The following ACTL8 variants were observed in gnomAD, a reference collection of about 807,000 sequenced individuals.
The protein encoded by ACTL8 is actin like 8.
Under a neutral mutation model 9.3 loss-of-function variants are expected in ACTL8, and 3 were observed. The ratio of observed to expected loss-of-function variants is 0.32; its 90% CI spans 0.15 to 0.83. The LOEUF (loss-of-function observed/expected upper bound fraction) is 0.83. Among genes scored for constraint, ACTL8 ranks in the 40% least tolerant of loss-of-function variants. ACTL8 has a pLI of 0.57. For missense variants in ACTL8, 381 were observed against 492.2 expected, an observed-to-expected ratio of 0.77 and a Z score of 2.14; for synonymous variants, 224 against 205.9, an observed-to-expected ratio of 1.09 and a Z score of -0.75.
intron 1 of ACTL8, among the ~76,000 whole-genome samples, chr1:17,776,899 A>C (rs2066121838): frequency 6.7e-6 from 1 of 150,180 alleles, no homozygotes; most frequent in African/African-American, 2.5e-5. Context: ...TCCTGGGCTC[A>C]AGCAATCCTC....
At chr1:17,791,725 C>T (rs775375483) in intron 1 of ACTL8, among the ~76,000 whole-genome samples, 3 of 152,204 alleles carry the variant, frequency 2.0e-5, no homozygotes, top group Non-Finnish European at 4.4e-5. Context: ...GCCTGTGGAA[C>T]GAGGAGGGTG....
At chr1:17,785,615 T>C (rs1180436503) in intron 1 of ACTL8, among the ~76,000 whole-genome samples, 3 of 152,240 alleles carry the variant, frequency 2.0e-5, no homozygotes, top group African/African-American at 7.2e-5. Context: ...GGGATGCTTG[T>C]AGGGTCCTTT....
At position 17,777,005 on chromosome 1, in the gene ACTL8, T is replaced by A. The variant is rs572634621; in HGVS notation, c.-25+21501T>A. 1.3e-3 allele frequency among the ~76,000 whole-genome samples: 130 copies of A among 101,744 alleles called. 1 individual carries two copies. The highest frequency in any genetic ancestry group is 7.7e-3 in the South Asian group (24 of 3,136). 66.7% of individuals were successfully genotyped at this position (101,744 alleles called of 152,430 possible). On this transcript the variant is annotated intron_variant, in intron 1 of 2. Coordinates refer to ENST00000375406, the MANE Select transcript of ACTL8 (RefSeq NM_030812.3). ...TTTTTTTTTTTTTTTTTTTTTTTTTTAGAGATGGGGGTCTTGCCATGTTGC... is the reference window on the plus strand; with the variant it reads ...TTTTTTTTTTTTTTTTTTTTTTTTTAAGAGATGGGGGTCTTGCCATGTTGC...
chr1:17,777,977 C>A (rs1041491413), intron 1 of ACTL8, among the ~76,000 whole-genome samples: 1 of 152,222 alleles, frequency 6.6e-6, no homozygotes, highest in African/African-American at 2.4e-5. Context: ...GAATTACAGG[C>A]GTGAGCCACC....
chr1:17,791,989 G>T (rs2102688179), intron 1 of ACTL8, among the ~76,000 whole-genome samples: 1 of 151,282 alleles, frequency 6.6e-6, no homozygotes, highest in Non-Finnish European at 1.5e-5. Flanking sequence ...CTTGGCTTGG[G>T]ATCCTGCCCC....
intron 1 of ACTL8, among the ~76,000 whole-genome samples, chr1:17,806,005 A>T (rs922496477): frequency 7.2e-5 from 11 of 152,180 alleles, no homozygotes; most frequent in African/African-American, 2.7e-4. Flanking sequence ...TGGTGTATCC[A>T]TTCCGGTCCT....
intron 2 of ACTL8, 136 bp from the exon 3 acceptor site, chr1:17,825,631 A>G (rs1256716984): frequency 8.6e-7 from 1 of 1,159,462 alleles, no homozygotes; most frequent in Non-Finnish European, 1.2e-6. Context: ...TCACTGCATA[A>G]GCTCCAGGGG....
intron 1 of ACTL8, among the ~76,000 whole-genome samples, chr1:17,786,655 T>C (rs1242273176): frequency 1.3e-5 from 2 of 152,150 alleles, no homozygotes; most frequent in Non-Finnish European, 2.9e-5. Flanking sequence ...ACATGGACCT[T>C]CTTTACGTAC....
In ACTL8 at chr1:17,802,813, T is replaced by C. The variant is rs933780694; in HGVS notation, c.-24-20172T>C. Among the ~76,000 whole-genome samples, 6 of 151,824 alleles carry C rather than the reference T, an allele frequency of 4.0e-5. No homozygotes were observed. In the East Asian group the frequency reaches 9.7e-4, roughly 24 times the overall value. On this transcript the variant is annotated intron_variant, in intron 1 of 2. Transcript: ENST00000375406. ...GCCTGGTCAACATGGCGAAACCCCA[T>C]CTCTACTAAAAATACAGGAAAATTA...
chr1:17,791,145 G>A (rs2066236371), intron 1 of ACTL8, among the ~76,000 whole-genome samples: 1 of 152,138 alleles, frequency 6.6e-6, no homozygotes, highest in South Asian at 2.1e-4. Context: ...AGGAGGCCTG[G>A]GTCTGCTGCC....
chr1:17,768,551 T>C (rs2066062190), intron 1 of ACTL8, among the ~76,000 whole-genome samples: 1 of 152,206 alleles, frequency 6.6e-6, no homozygotes, highest in East Asian at 1.9e-4. Flanking sequence ...ATGGAGGATA[T>C]CATCAAATGG....
intron 1 of ACTL8, among the ~76,000 whole-genome samples, chr1:17,773,341 C>G (rs2066096457): frequency 6.6e-6 from 1 of 152,198 alleles, no homozygotes; most frequent in Non-Finnish European, 1.5e-5. Context: ...GCTCTGTGAG[C>G]TTAGCCAAGC....
intron 1 of ACTL8, among the ~76,000 whole-genome samples, chr1:17,779,667 C>T (rs914582844): frequency 3.3e-5 from 5 of 152,196 alleles, no homozygotes. Context: ...TTGCTTTCAT[C>T]TATGGCTCCA....
intron 2 of ACTL8, among the ~76,000 whole-genome samples, chr1:17,825,377 A>G (rs2053705342): frequency 6.6e-6 from 1 of 150,648 alleles, no homozygotes; most frequent in Non-Finnish European, 1.5e-5. Context: ...GTTTGGAGAC[A>G]GTGGTGAATA....
intron 1 of ACTL8, among the ~76,000 whole-genome samples, chr1:17,800,583 CTTTTTTT>C (rs59143238): frequency 5.8e-5 from 4 of 69,168 alleles, no homozygotes; most frequent in African/African-American, 2.6e-4. Context: ...TGGTGTCAAT[CTTTTTTT>C]TTTTTTTTTT....
Position 17,823,441 on chromosome 1 carries a change from G to T in ACTL8, c.348+85G>T. 2 of 1,345,812 alleles carry T rather than the reference G, an allele frequency of 1.5e-6. No individual in the cohort carries two copies. Among genetic ancestry groups the T allele is most frequent in the Non-Finnish European group, 2.0e-6 (2 of 995,468 alleles). 83.4% of individuals were successfully genotyped at this position (1,345,812 alleles called of 1,614,324 possible). On this transcript the variant is annotated intron_variant, in intron 2 of 2. Transcript: ENST00000375406. The surrounding 1 kb of genome is among the most constrained non-coding windows in gnomAD (Gnocchi z 5.3). ...GGACTGATTGGGCACCAGGAATTCT[G>T]CTTTTTAAGATAAATTGCCAACCAG...
intron 1 of ACTL8, among the ~76,000 whole-genome samples, chr1:17,809,673 G>C (rs1217395569): frequency 6.6e-6 from 1 of 151,762 alleles, no homozygotes; most frequent in African/African-American, 2.4e-5. Flanking sequence ...TCTAGGTTGC[G>C]TGCTCCTTAT....
At chr1:17,774,194 G>A (rs113854693) in intron 1 of ACTL8, among the ~76,000 whole-genome samples, 6 of 152,190 alleles carry the variant, frequency 3.9e-5, no homozygotes, top group East Asian at 1.9e-4. Context: ...GGCTTGGGGG[G>A]TACTTTCTGT....
At chr1:17,773,480 C>T (rs539421766) in intron 1 of ACTL8, among the ~76,000 whole-genome samples, 1 of 152,202 alleles carries the variant, frequency 6.6e-6, no homozygotes, top group Non-Finnish European at 1.5e-5. Flanking sequence ...CTAAAATAGC[C>T]AAATACAGTG....
Sources: allele counts gnomAD v4.1 joint callset (sites outside exome capture counted in the v4.1 genomes callset), GRCh38; gene constraint gnomAD v4.1.1; non-coding constraint Gnocchi (gnomAD v3.1); transcripts MANE v1.5; gene names NCBI Gene and HGNC (gene_info 2026-07-23, HGNC 2026-07-21).